GABBR2: variants seen among roughly 807,000 people sequenced by gnomAD.
The protein encoded by GABBR2 is G-protein coupled receptor 51.
A neutral mutation model predicts 105.6 loss-of-function variants in GABBR2; 23 were observed. That is an observed-to-expected ratio of 0.22 (90% CI 0.16 to 0.31). The LOEUF (loss-of-function observed/expected upper bound fraction) is 0.31, where lower values mean the gene tolerates loss of function less well. Among genes scored for constraint, GABBR2 ranks in the 10% least tolerant of loss-of-function variants. The pLI, the probability that GABBR2 is intolerant of heterozygous loss-of-function variation, is 1.00. For missense variants in GABBR2, 734 were observed against 1,245.5 expected (o/e 0.59, Z 6.18); for synonymous variants, 478 against 499.7 (o/e 0.96, Z 0.58).
At chr9:98,305,734 G>A (rs1447086022) in intron 15 of GABBR2, among the ~76,000 whole-genome samples, 1 of 151,776 alleles carries the variant, frequency 6.6e-6, no homozygotes, top group Non-Finnish European at 1.5e-5. Context: ...AGAATTGCTC[G>A]ATTCCGGGAG....
chr9:98,595,340 C>A (rs561664760), intron 1 of GABBR2, among the ~76,000 whole-genome samples: 3 of 151,776 alleles, frequency 2.0e-5, no homozygotes, highest in South Asian at 2.1e-4. Context: ...CTAATACCAT[C>A]AGTTTGGGGG....
chr9:98,447,601 C>A (rs1435427835), intron 7 of GABBR2, among the ~76,000 whole-genome samples: 1 of 149,624 alleles, frequency 6.7e-6, no homozygotes, highest in Non-Finnish European at 1.5e-5. Flanking sequence ...TTAAAAAAAC[C>A]AAGTGCACAA....
chr9:98,460,508 T>C lies in GABBR2; in HGVS notation c.1000-6291A>G, dbSNP rs559500118. On this transcript the variant is annotated intron_variant, in intron 6 of 18. Transcript: ENST00000259455. ...ATTCTAAAAATAAAAAATACAACAA[T>C]TGAAATAAAGAATTCAATAGATAGG... Among the ~76,000 whole-genome samples, 47 of 151,902 alleles carry C rather than the reference T, an allele frequency of 3.1e-4. 1 individual carries two copies. The highest frequency in any genetic ancestry group is 6.8e-4 in the Non-Finnish European group (46 of 67,970).
At position 98,699,162 on chromosome 9, in the gene GABBR2, G is replaced by A. The variant is rs191654918; in HGVS notation, c.321+9255C>T. On this transcript the variant is annotated intron_variant, in intron 1 of 18. Coordinates refer to ENST00000259455, the MANE Select transcript of GABBR2 (RefSeq NM_005458.8). ...TCAGAACATGTTTCCTAAGTCCTCC[G>A]TCCACTGGTTAGCGTATTGCTCCAA... is the stretch of plus-strand genomic sequence containing the variant. Among the ~76,000 whole-genome samples the A allele has an allele frequency of 2.6e-3, 403 of 152,150 alleles. 3 individuals carry two copies. The highest frequency in any genetic ancestry group is 4.8e-3 in the Admixed American group (73 of 15,290).
chr9:98,452,561 G>A (rs1451699547), intron 7 of GABBR2, among the ~76,000 whole-genome samples: 1 of 152,180 alleles, frequency 6.6e-6, no homozygotes, highest in African/African-American at 2.4e-5. Flanking sequence ...AGGATATGGT[G>A]TAATCATTAT....
chr9:98,708,866 G>T lies in GABBR2; in HGVS notation c.-129C>A. 1 of 487,500 alleles carries T rather than the reference G, an allele frequency of 2.1e-6. No individual in the cohort carries two copies. Among genetic ancestry groups the T allele is most frequent in the Non-Finnish European group, 2.7e-6 (1 of 375,882 alleles). The allele number at this position is 487,500 out of a possible 1,614,324, so 30.2% of individuals were successfully genotyped here. A position where few individuals can be genotyped will look rare whatever the true frequency, so the allele number is the denominator to read the frequency against. On this transcript the variant is annotated 5_prime_UTR_variant, in exon 1 of 19. Transcript: ENST00000259455. ...GGCCCGGGCCCCGGCTCCGTCTCGGGCTAGGGTTCCGGCTCGGCTCAGAAC... is the reference window on the plus strand; with the variant it reads ...GGCCCGGGCCCCGGCTCCGTCTCGGTCTAGGGTTCCGGCTCGGCTCAGAAC...
At chr9:98,337,167 T>C (rs933808423) in intron 13 of GABBR2, among the ~76,000 whole-genome samples, 11 of 152,038 alleles carry the variant, frequency 7.2e-5, no homozygotes, top group Non-Finnish European at 1.2e-4. Flanking sequence ...TAGCCAGGCA[T>C]GGTGGTGGGT....
chr9:98,686,685 T>G (rs1830624987), intron 1 of GABBR2, among the ~76,000 whole-genome samples: 1 of 152,182 alleles, frequency 6.6e-6, no homozygotes. Flanking sequence ...CCTGAGCCAC[T>G]GCACTGGGCC....
At chr9:98,390,911 G>T (rs1832168704) in intron 9 of GABBR2, among the ~76,000 whole-genome samples, 1 of 152,154 alleles carries the variant, frequency 6.6e-6, no homozygotes, top group African/African-American at 2.4e-5. Flanking sequence ...TCCTTCTTCT[G>T]TTCCTGCAAA....
intron 1 of GABBR2, among the ~76,000 whole-genome samples, chr9:98,589,533 G>C (rs1337739059): frequency 6.6e-6 from 1 of 152,120 alleles, no homozygotes; most frequent in Non-Finnish European, 1.5e-5. Context: ...CACACCTGGG[G>C]AACTATTAAA....
chr9:98,564,167 G>T (rs1355134058), intron 2 of GABBR2, among the ~76,000 whole-genome samples: 5 of 152,292 alleles, frequency 3.3e-5, no homozygotes, highest in East Asian at 3.9e-4. Flanking sequence ...CGTACTGCCT[G>T]GGTCCTCCAT....
intron 10 of GABBR2, among the ~76,000 whole-genome samples, chr9:98,387,784 AAATTAATTAAAATAATT>A (rs1832100203): frequency 6.7e-6 from 1 of 150,258 alleles, no homozygotes; most frequent in Admixed American, 6.6e-5. Flanking sequence ...AAAATAAAAT[AAATTAATTAAAATAATT>A]AATTAATTAA....
intron 7 of GABBR2, among the ~76,000 whole-genome samples, chr9:98,436,223 T>C (rs1312324504): frequency 7.0e-6 from 1 of 142,710 alleles, no homozygotes; most frequent in Non-Finnish European, 1.5e-5. Context: ...CTAGGACATA[T>C]AGTTAATTTC....
At position 98,388,564 on chromosome 9, in the gene GABBR2, T is replaced by C. The variant is rs569446172; in HGVS notation, c.1529+290A>G. On this transcript the variant is annotated intron_variant, in intron 10 of 18. Transcript: ENST00000259455. The surrounding 1 kb of genome is among the most constrained non-coding windows in gnomAD (Gnocchi z 4.4). Reference sequence around the variant, plus strand: ...CGTGGACTTGGACTCTTCGATTTTATTTAACTTCCTCAAACTTATTTGACT... The same window carrying C: ...CGTGGACTTGGACTCTTCGATTTTACTTAACTTCCTCAAACTTATTTGACT... Among the ~76,000 whole-genome samples the C allele has an allele frequency of 6.6e-6, 1 of 152,246 alleles. No homozygotes were observed. Among genetic ancestry groups the C allele is most frequent in the South Asian group, 2.1e-4 (1 of 4,820 alleles).
intron 13 of GABBR2, among the ~76,000 whole-genome samples, chr9:98,349,083 A>G (rs903930606): frequency 4.0e-5 from 6 of 151,010 alleles, no homozygotes; most frequent in African/African-American, 1.5e-4. Context: ...GGCCTTTAGT[A>G]TGTTGAAATA....
Position 98,454,122 on chromosome 9 carries a change from G to A in GABBR2, c.1095C>T (p.Ile365=), listed in dbSNP as rs964673442. The A allele has an allele frequency of 7.4e-6, 12 of 1,614,004 alleles. No homozygotes were observed. Among genetic ancestry groups the A allele is most frequent in the Admixed American group, 1.7e-5 (1 of 60,008 alleles). The change falls in exon 7 of 19, where the codon ATC becomes ATT. Residue 365 remains isoleucine, a synonymous_variant. Coordinates refer to ENST00000259455, the MANE Select transcript of GABBR2 (RefSeq NM_005458.8). The surrounding 1 kb of genome is among the most constrained non-coding windows in gnomAD (Gnocchi z 4.6). Reference sequence around the variant, plus strand: ...CCATGGCCCTCTGCAGTGTCTTGGCGATGACCCAGATGCCATCGTAGGCGT... The same window carrying A: ...CCATGGCCCTCTGCAGTGTCTTGGCAATGACCCAGATGCCATCGTAGGCGT... ...HGYAYDGIWV[I]AKTLQRAMET...
chr9:98,698,804 C>CA (rs1464608882), intron 1 of GABBR2, among the ~76,000 whole-genome samples: 1 of 152,016 alleles, frequency 6.6e-6, no homozygotes, highest in Non-Finnish European at 1.5e-5. Context: ...AGCCTTTACT[C>CA]ACAATCTTGG....
At chr9:98,435,878 C>T (rs566224149) in intron 7 of GABBR2, among the ~76,000 whole-genome samples, 2 of 152,154 alleles carry the variant, frequency 1.3e-5, no homozygotes, top group Admixed American at 6.5e-5. Context: ...TATGCACCTT[C>T]CTTATTTCAT....
intron 7 of GABBR2, among the ~76,000 whole-genome samples, chr9:98,442,655 A>G (rs1392050167): frequency 6.6e-6 from 1 of 152,202 alleles, no homozygotes; most frequent in Non-Finnish European, 1.5e-5. Context: ...AAAGTACCAC[A>G]CACTGGGTGG....
Sources: gnomAD v4.1 joint callset for allele counts (sites outside exome capture counted in the v4.1 genomes callset) on GRCh38, gnomAD v4.1.1 for gene constraint, Gnocchi (gnomAD v3.1) non-coding constraint, MANE v1.5 for transcripts, NCBI Gene and HGNC (gene_info 2026-07-23, HGNC 2026-07-21) for gene names.